The following PACRG variants were observed in gnomAD, a reference collection of about 807,000 sequenced individuals.
PACRG encodes the protein parkin coregulated gene protein.
PACRG carries 29 observed loss-of-function variants against 29.7 expected under a neutral mutation model. The ratio of observed to expected loss-of-function variants is 0.98; its 90% CI spans 0.73 to 1.33. PACRG has a LOEUF of 1.33. Among genes scored for constraint, PACRG ranks in the 40% most tolerant of loss-of-function variants. PACRG has a pLI of 0.00. For missense variants in PACRG, 279 were observed against 316.2 expected (o/e 0.88, Z 0.89); for synonymous variants, 116 against 118.7 (o/e 0.98, Z 0.15).
intron 2 of PACRG, among the ~76,000 whole-genome samples, chr6:162,979,170 C>G (rs894171088): frequency 1.3e-5 from 2 of 152,310 alleles, no homozygotes; most frequent in Admixed American, 1.3e-4. Flanking sequence ...TTCAACCCCA[C>G]TTTGCCAGTC....
chr6:162,995,053 A>T (rs1168255234), intron 2 of PACRG, among the ~76,000 whole-genome samples: 1 of 150,732 alleles, frequency 6.6e-6, no homozygotes, highest in Non-Finnish European at 1.5e-5. Context: ...TAGGCTGCTC[A>T]GGGGTCAGGG....
At chr6:163,275,422 G>A (rs879120638) in intron 4 of PACRG, among the ~76,000 whole-genome samples, 1 of 151,998 alleles carries the variant, frequency 6.6e-6, no homozygotes, top group Non-Finnish European at 1.5e-5. Flanking sequence ...GATCATTTTT[G>A]TCATCGCTAG....
chr6:163,070,552 C>T (rs1374970755), intron 3 of PACRG, among the ~76,000 whole-genome samples: 4 of 151,566 alleles, frequency 2.6e-5, no homozygotes, highest in Non-Finnish European at 5.9e-5. Flanking sequence ...AATGGATATA[C>T]ATAAAATAAA....
At chr6:163,164,990 A>G (rs182909328) in intron 4 of PACRG, among the ~76,000 whole-genome samples, 29 of 152,328 alleles carry the variant, frequency 1.9e-4, no homozygotes, top group African/African-American at 6.7e-4. Context: ...CAGAGGTTAA[A>G]AAGCCAAAAG....
chr6:162,975,790 C>T (rs1801900450), intron 2 of PACRG, among the ~76,000 whole-genome samples: 1 of 151,812 alleles, frequency 6.6e-6, no homozygotes, highest in African/African-American at 2.4e-5. Flanking sequence ...TCTTCTCTCC[C>T]TTTTCTCCCT....
At chr6:162,882,561 C>G (rs953700584) in intron 2 of PACRG, among the ~76,000 whole-genome samples, 3 of 146,396 alleles carry the variant, frequency 2.0e-5, no homozygotes, top group Admixed American at 1.3e-4. Flanking sequence ...AGTGTGTAGA[C>G]CTCAGGGGCT....
intron 1 of PACRG, among the ~76,000 whole-genome samples, chr6:162,781,297 G>A (rs909218843): frequency 6.6e-6 from 1 of 151,680 alleles, no homozygotes; most frequent in Admixed American, 6.6e-5. Context: ...TTTAAATCAA[G>A]GTGAAATAAC....
At chr6:163,231,897 G>T (rs1233610559) in intron 4 of PACRG, among the ~76,000 whole-genome samples, 1 of 152,216 alleles carries the variant, frequency 6.6e-6, no homozygotes, top group Non-Finnish European at 1.5e-5. Flanking sequence ...AGTTACTGTA[G>T]GTAAACAAGT....
intron 2 of PACRG, among the ~76,000 whole-genome samples, chr6:162,918,365 T>G (rs886437360): frequency 5.3e-5 from 8 of 152,228 alleles, no homozygotes; most frequent in African/African-American, 1.7e-4. Flanking sequence ...CAATTTATAA[T>G]GATATACTGA....
chr6:163,233,530 G>A (rs919754930), intron 4 of PACRG, among the ~76,000 whole-genome samples: 5 of 152,170 alleles, frequency 3.3e-5, no homozygotes, highest in African/African-American at 4.8e-5. Flanking sequence ...ATTTCACTGT[G>A]TGAGAAAACA....
At chr6:163,130,782 G>T (rs1203164021) in intron 4 of PACRG, among the ~76,000 whole-genome samples, 1 of 152,156 alleles carries the variant, frequency 6.6e-6, no homozygotes, top group East Asian at 1.9e-4. Context: ...CGGGTCCTTT[G>T]CCTGGGGTTG....
intron 2 of PACRG, among the ~76,000 whole-genome samples, chr6:162,838,413 G>C (rs1428919069): frequency 6.6e-6 from 1 of 152,088 alleles, no homozygotes; most frequent in Non-Finnish European, 1.5e-5. Context: ...CAGACTAGAG[G>C]TTCCATTCTT....
At chr6:162,982,236 A>G (rs1802498369) in intron 2 of PACRG, among the ~76,000 whole-genome samples, 1 of 151,698 alleles carries the variant, frequency 6.6e-6, no homozygotes, top group East Asian at 1.9e-4. Context: ...GTTCATCTTT[A>G]CAAAGAACCA....
chr6:162,773,447 A>G (rs1455314523), intron 1 of PACRG, among the ~76,000 whole-genome samples: 1 of 150,920 alleles, frequency 6.6e-6, no homozygotes, highest in Non-Finnish European at 1.5e-5. Context: ...TATTTACATC[A>G]TGGAAGAAAA....
At chr6:162,872,960 T>G (rs1000535443) in intron 2 of PACRG, among the ~76,000 whole-genome samples, 1 of 152,186 alleles carries the variant, frequency 6.6e-6, no homozygotes, top group Non-Finnish European at 1.5e-5. Context: ...AATCTCAATT[T>G]TATTAGTACA....
At chr6:162,808,912 A>T (rs953739073) in intron 1 of PACRG, among the ~76,000 whole-genome samples, 1 of 152,118 alleles carries the variant, frequency 6.6e-6, no homozygotes, top group African/African-American at 2.4e-5. Flanking sequence ...GGATTTTCAG[A>T]GTCGTTTTGC....
intron 4 of PACRG, among the ~76,000 whole-genome samples, chr6:163,269,871 A>AAGAAAG (rs1783690968): frequency 1.8e-5 from 1 of 55,756 alleles, no homozygotes; most frequent in South Asian, 5.6e-4. Context: ...AAGAAAGAGA[A>AAGAAAG]AGAAAGAAAG....
intron 2 of PACRG, among the ~76,000 whole-genome samples, chr6:162,881,023 G>A (rs1793794567): frequency 6.6e-6 from 1 of 152,184 alleles, no homozygotes; most frequent in South Asian, 2.1e-4. Flanking sequence ...CTGTAGATGT[G>A]CATGTCATTG....
At chr6:163,235,233 A>T (rs952953717) in intron 4 of PACRG, among the ~76,000 whole-genome samples, 1 of 152,114 alleles carries the variant, frequency 6.6e-6, no homozygotes, top group Non-Finnish European at 1.5e-5. Context: ...AATATCCCCA[A>T]ACCTGTCATA....
Sources: gnomAD v4.1 joint callset for allele counts (sites outside exome capture counted in the v4.1 genomes callset) on GRCh38, gnomAD v4.1.1 for gene constraint, MANE v1.5 for transcripts, NCBI Gene and HGNC (gene_info 2026-07-23, HGNC 2026-07-21) for gene names.